Variants in RASAL1 observed in about 807,000 individuals in gnomAD.
RASAL1 encodes the protein RAS protein activator like 1, also known as rasGAP-activating-like protein 1.
Under a neutral mutation model 96.6 loss-of-function variants are expected in RASAL1, and 72 were observed. The ratio of observed to expected loss-of-function variants is 0.75; its 90% CI spans 0.62 to 0.91. RASAL1 has a LOEUF of 0.91. Ranked by LOEUF, RASAL1 falls within the 40% of genes least tolerant of loss-of-function variation. The pLI, the probability that RASAL1 is intolerant of heterozygous loss-of-function variation, is 0.00. For synonymous variants in RASAL1, 405 were observed against 430.4 expected, an observed-to-expected ratio of 0.94 and a Z score of 0.73; for missense variants, 1,016 against 1,072.5, an observed-to-expected ratio of 0.95 and a Z score of 0.74.
Position 113,107,169 on chromosome 12 carries a change from G to A in RASAL1, c.1585C>T (p.Pro529Ser). Residue 529 changes from proline (P) to serine (S), a missense_variant, in exon 15 of 21, where the codon CCC becomes TCC. Coordinates refer to ENST00000548055, the MANE Select transcript of RASAL1 (RefSeq NM_001301202.2). ...CGTGAGACACACTGCAGCAGGAAGG[G>A]GTGCAGGGGGGCCATCCACAGTTCC... ...GKELWMAPLH[P>S]FLLQCVSRVR... 6.2e-7 allele frequency: 1 copy of A among 1,613,894 alleles called. No homozygotes were observed. The highest frequency in any genetic ancestry group is 1.3e-5 in the African/African-American group (1 of 75,032).
chr12:113,115,575 G>T lies in RASAL1; in HGVS notation c.1003+60C>A. ...TGAGGCCTCCCCATTCCTCCCCCAG[G>T]ACCCTCCTGCAAGCCCACCATTGAG... On this transcript the variant is annotated intron_variant, in intron 10 of 20. Coordinates refer to ENST00000548055, the MANE Select transcript of RASAL1 (RefSeq NM_001301202.2). This position sits in a 1 kb window ranked among gnomAD's most constrained non-coding sequence, Gnocchi z 4.1. 2 of 1,583,080 alleles carry T rather than the reference G, an allele frequency of 1.3e-6. No individual in the cohort carries two copies. The highest frequency in any genetic ancestry group is 1.7e-6 in the Non-Finnish European group (2 of 1,163,790).
upstream of RASAL1, chr12:113,135,803 T>G: frequency 4.5e-6 from 1 of 221,558 alleles, no homozygotes; most frequent in East Asian, 1.1e-4. The surrounding 1 kb of genome is among the most constrained non-coding windows in gnomAD (Gnocchi z 5.7). Context: ...CTCCCCACAA[T>G]CCCGCCTCCA....
Position 113,115,519 on chromosome 12 carries a change from C to T in RASAL1, c.1003+116G>A, listed in dbSNP as rs1055202947. 3 of 1,368,188 alleles carry T rather than the reference C, an allele frequency of 2.2e-6. No homozygotes were observed. The highest frequency in any genetic ancestry group is 2.9e-5 in the South Asian group (2 of 69,680). The allele number at this position is 1,368,188 out of a possible 1,614,324, so 84.8% of individuals were successfully genotyped here. On this transcript the variant is annotated intron_variant, in intron 10 of 20. Coordinates refer to ENST00000548055, the MANE Select transcript of RASAL1 (RefSeq NM_001301202.2). This position sits in a 1 kb window ranked among gnomAD's most constrained non-coding sequence, Gnocchi z 4.1. The stretch of plus-strand genomic sequence containing the variant: ...TCTGGAGGTGCACAGCACAGGGACC[C>T]ACAGAAAAAGGAGCCCTTTTTCCCT...
Position 113,099,766 on chromosome 12 carries a change from CCT to C in RASAL1, c.*161_*162del, listed in dbSNP as rs1950375968. On this transcript the variant is annotated 3_prime_UTR_variant, in exon 21 of 21. Transcript: ENST00000548055. ...GGCCCCTGCCAAAGGGCTTCCATGC[CCT>C]GAGTTCTGGACTCAAGGCACACAGG... is the stretch of plus-strand genomic sequence containing the variant. The C allele has an allele frequency of 1.9e-6, 2 of 1,032,940 alleles. No individual in the cohort carries two copies. The highest frequency in any genetic ancestry group is 2.8e-6 in the Non-Finnish European group (2 of 722,502). The allele number at this position is 1,032,940 out of a possible 1,614,324, so 64.0% of individuals were successfully genotyped here.
chr12:113,100,264 C>G (rs1950394511), intron 20 of RASAL1, among the ~76,000 whole-genome samples, 196 bp from the exon 21 acceptor site: 1 of 152,128 alleles, frequency 6.6e-6, no homozygotes, highest in Admixed American at 6.5e-5. Flanking sequence ...TGGGGAAGTG[C>G]CTGCGAAGAA....
chr12:113,115,869 AGG>A lies in RASAL1; in HGVS notation c.849+63_849+64del, dbSNP rs146632065. 1 of 1,588,512 alleles carries A rather than the reference AGG, an allele frequency of 6.3e-7. No homozygotes were observed. The highest frequency in any genetic ancestry group is 8.6e-7 in the Non-Finnish European group (1 of 1,164,324). ...GGGCCTAGATAGGGCTCCGTGAGGCAGGGGGAGGCCAGGATCCAGACCCCCGG... is the reference window on the plus strand; with the variant it reads ...GGGCCTAGATAGGGCTCCGTGAGGCAGGGAGGCCAGGATCCAGACCCCCGG... On this transcript the variant is annotated intron_variant, in intron 9 of 20. Transcript: ENST00000548055. The surrounding 1 kb of genome is among the most constrained non-coding windows in gnomAD (Gnocchi z 4.1).
chr12:113,122,274 C>A (rs1476942827), intron 4 of RASAL1, among the ~76,000 whole-genome samples: 1 of 152,122 alleles, frequency 6.6e-6, no homozygotes, highest in African/African-American at 2.4e-5. Flanking sequence ...CCAACATACT[C>A]TCCCCTCAAA....
rs575299945 is a variant in RASAL1 at position 113,102,750 on chromosome 12, T to G, written c.2105-741A>C. Among the ~76,000 whole-genome samples the G allele has an allele frequency of 8.1e-4, 123 of 152,200 alleles. 1 individual carries two copies. The highest frequency in any genetic ancestry group is 2.6e-3 in the African/African-American group (107 of 41,540). ...AAAATAAAAAAACCCACTACTTCCGTTGAATCTTACATCCTCCACTCTCAT... is the reference window on the plus strand; with the variant it reads ...AAAATAAAAAAACCCACTACTTCCGGTGAATCTTACATCCTCCACTCTCAT... On this transcript the variant is annotated intron_variant, in intron 18 of 20. Coordinates refer to ENST00000548055, the MANE Select transcript of RASAL1 (RefSeq NM_001301202.2).
chr12:113,136,617 C>A (rs941462756), upstream of RASAL1, among the ~76,000 whole-genome samples: 4 of 152,242 alleles, frequency 2.6e-5, no homozygotes, highest in African/African-American at 9.6e-5. Flanking sequence ...GCCATTCAAC[C>A]TCTCTGTGCT....
At chr12:113,109,340 A>G (rs1226398309) in intron 13 of RASAL1, among the ~76,000 whole-genome samples, 3 of 151,828 alleles carry the variant, frequency 2.0e-5, no homozygotes, top group African/African-American at 7.2e-5. Flanking sequence ...ATTTTTTCAG[A>G]TGAGGAAACT....
At chr12:113,133,556 A>T (rs1448711783) in intron 1 of RASAL1, among the ~76,000 whole-genome samples, 1 of 152,190 alleles carries the variant, frequency 6.6e-6, no homozygotes, top group African/African-American at 2.4e-5. Flanking sequence ...TTACCTGAAG[A>T]GGCCTCCTCC....
In RASAL1 at chr12:113,135,416, G is replaced by C. The variant is rs1323106928; in HGVS notation, c.47C>G (p.Ala16Gly). The change falls in exon 1 of 21, where the codon GCG becomes GGG. Residue 16 changes from alanine to glycine, a missense_variant. Coordinates refer to ENST00000548055, the MANE Select transcript of RASAL1 (RefSeq NM_001301202.2). This position sits in a 1 kb window ranked among gnomAD's most constrained non-coding sequence, Gnocchi z 5.7. Reference protein sequence around the residue: ...SLNVRVVEGRALPAKDVSGSS... With the variant: ...SLNVRVVEGRGLPAKDVSGSS... ...TACTCACACGTCCTTGGCAGGCAGC[G>C]CGCGGCCCTCCACCACGCGAACATT... The C allele has an allele frequency of 2.5e-6, 4 of 1,609,624 alleles. No individual in the cohort carries two copies. The Admixed American group carries it at 6.7e-5, about 27-fold the overall frequency.
chr12:113,125,404 GA>G (rs1409265909), intron 4 of RASAL1, among the ~76,000 whole-genome samples: 1 of 152,074 alleles, frequency 6.6e-6, no homozygotes, highest in Non-Finnish European at 1.5e-5. Context: ...AAATCAATAA[GA>G]AAAGGCAAAC....
intron 7 of RASAL1, among the ~76,000 whole-genome samples, chr12:113,118,905 C>A (rs759657276): frequency 6.6e-6 from 1 of 152,136 alleles, no homozygotes; most frequent in Admixed American, 6.6e-5. Context: ...AATCTGGGCC[C>A]GTCCTGTGAT....
chr12:113,108,740 A>G (rs1674103), intron 13 of RASAL1, among the ~76,000 whole-genome samples: 135,306 of 152,264 alleles, frequency 0.89, 60,299 homozygotes, highest in Admixed American at 0.93. Context: ...GAGGCCCAGC[A>G]AGGGAAAGTC....
At chr12:113,111,266 CCT>C (rs904372102) in intron 13 of RASAL1, among the ~76,000 whole-genome samples, 14 of 151,474 alleles carry the variant, frequency 9.2e-5, no homozygotes, top group African/African-American at 2.7e-4. Flanking sequence ...TCTCTTACTT[CCT>C]CTCTCTCTCT....
At chr12:113,106,875 C>G (rs1950665321) in intron 15 of RASAL1, among the ~76,000 whole-genome samples, 1 of 152,194 alleles carries the variant, frequency 6.6e-6, no homozygotes, top group Admixed American at 6.5e-5. Context: ...ACGATCCTGC[C>G]CACAGCCATA....
chr12:113,120,460 G>T (rs747491255), intron 5 of RASAL1, among the ~76,000 whole-genome samples: 1 of 152,256 alleles, frequency 6.6e-6, no homozygotes, highest in East Asian at 1.9e-4. Context: ...ATCTGGAGGC[G>T]GTGGGAGAGG....
chr12:113,124,064 C>CA (rs906310250), intron 4 of RASAL1, among the ~76,000 whole-genome samples: 8 of 151,806 alleles, frequency 5.3e-5, no homozygotes, highest in African/African-American at 1.9e-4. Context: ...TATGAAAATA[C>CA]AAAAAAAGTT....
Sources: gnomAD v4.1 joint callset for allele counts (sites outside exome capture counted in the v4.1 genomes callset) on GRCh38, gnomAD v4.1.1 for gene constraint, Gnocchi (gnomAD v3.1) non-coding constraint, MANE v1.5 for transcripts, NCBI Gene and HGNC (gene_info 2026-07-23, HGNC 2026-07-21) for gene names.